PVT1: variants seen among roughly 807,000 people sequenced by gnomAD.
The protein encoded by PVT1 is Pvt1 oncogene.
intron 4 of PVT1, among the ~76,000 whole-genome samples, chr8:128,058,452 C>T (rs1372510031): frequency 6.6e-6 from 1 of 151,480 alleles, no homozygotes; most frequent in Non-Finnish European, 1.5e-5. Flanking sequence ...GTAAATAGCT[C>T]TTCTACTAAA....
rs1180723305 is a variant in PVT1, at chr8:128,006,135, AT to A, written n.912+16845del. Among the ~76,000 whole-genome samples, 135 of 140,604 alleles carry A rather than the reference AT, an allele frequency of 9.6e-4. 2 individuals are homozygous for A. Among genetic ancestry groups the A allele is most frequent in the Admixed American group, 5.3e-3 (72 of 13,520 alleles). The allele number at this position is 140,604 out of a possible 152,430, so 92.2% of individuals were successfully genotyped here. On this transcript the variant is annotated intron_variant and non_coding_transcript_variant, in intron 4 of 10. Coordinates refer to ENST00000651587, the Ensembl canonical transcript of PVT1. ...AATAATAATAATAATAATAATAATA[AT>A]AATAATAATAATAAAAAGATAAGGG...
intron 3 of PVT1, among the ~76,000 whole-genome samples, chr8:127,908,872 G>T (rs148185370): frequency 6.6e-6 from 1 of 152,052 alleles, no homozygotes; most frequent in Non-Finnish European, 1.5e-5. Context: ...TAAGAGGTAC[G>T]GTCACCCTCC....
At chr8:127,927,735 T>C (rs995926961) in intron 3 of PVT1, among the ~76,000 whole-genome samples, 3 of 152,230 alleles carry the variant, frequency 2.0e-5, no homozygotes, top group Non-Finnish European at 4.4e-5. Flanking sequence ...GAAAGTCATC[T>C]GTAAGCCGTG....
intron 3 of PVT1, among the ~76,000 whole-genome samples, chr8:127,987,720 C>T (rs1816985202): frequency 6.6e-6 from 1 of 152,178 alleles, no homozygotes; most frequent in South Asian, 2.1e-4. Flanking sequence ...GACACCAACC[C>T]AGGAAGCCTG....
intron 3 of PVT1, among the ~76,000 whole-genome samples, chr8:127,963,103 A>G (rs1420149692): frequency 2.0e-5 from 3 of 152,120 alleles, no homozygotes; most frequent in East Asian, 3.9e-4. Flanking sequence ...CACCCTGCCC[A>G]GCAGCTTTCT....
At chr8:127,850,403 G>A (rs1815095249) in intron 2 of PVT1, among the ~76,000 whole-genome samples, 1 of 152,120 alleles carries the variant, frequency 6.6e-6, no homozygotes, top group South Asian at 2.1e-4. Context: ...CATCTGTTGG[G>A]GGCACATGTT....
intron 5 of PVT1, among the ~76,000 whole-genome samples, chr8:128,074,989 G>A (rs912177397): frequency 6.6e-6 from 1 of 152,286 alleles, no homozygotes; most frequent in African/African-American, 2.4e-5. Context: ...ATCTCTCTCC[G>A]TTCATGGGGG....
At chr8:127,813,980 G>A (rs747862228) in intron 2 of PVT1, among the ~76,000 whole-genome samples, 3 of 152,122 alleles carry the variant, frequency 2.0e-5, no homozygotes, top group East Asian at 1.9e-4. Context: ...ACGGGGTTTC[G>A]CTATGTTGGC....
At chr8:128,077,682 CCT>C (rs1332657186) in intron 5 of PVT1, among the ~76,000 whole-genome samples, 2 of 152,098 alleles carry the variant, frequency 1.3e-5, no homozygotes, top group Non-Finnish European at 2.9e-5. Flanking sequence ...ATTTATCAAG[CCT>C]CTCTGCAAAT....
At chr8:127,817,528 A>AATATATATATATATAT (rs36101639) in intron 2 of PVT1, among the ~76,000 whole-genome samples, 26 of 68,694 alleles carry the variant, frequency 3.8e-4, no homozygotes, top group East Asian at 3.0e-3. Context: ...TATCTATTTA[A>AATATATATATATATAT]ATATATATAT....
At chr8:127,992,074 C>A (rs79572066) in intron 4 of PVT1, among the ~76,000 whole-genome samples, 302 of 141,692 alleles carry the variant, frequency 2.1e-3, no homozygotes, top group Non-Finnish European at 2.3e-3. Flanking sequence ...TTTCTTAAAA[C>A]AAAAAAAAAA....
At chr8:127,874,727 T>C (rs1345396593) in intron 2 of PVT1, among the ~76,000 whole-genome samples, 1 of 152,188 alleles carries the variant, frequency 6.6e-6, no homozygotes, top group Non-Finnish European at 1.5e-5. Context: ...CAATTTGTTG[T>C]GTGATCTTCT....
chr8:128,041,239 TGTTTG>T (rs1563673128), intron 4 of PVT1, among the ~76,000 whole-genome samples: 3 of 26,336 alleles, frequency 1.1e-4, no homozygotes, highest in Non-Finnish European at 3.0e-4. Flanking sequence ...GTGTGTGTGT[TGTTTG>T]TGTGTGTGTT....
At chr8:127,808,047 C>T (rs372587684) in intron 2 of PVT1, among the ~76,000 whole-genome samples, 39 of 151,612 alleles carry the variant, frequency 2.6e-4, no homozygotes, top group African/African-American at 8.5e-4. Flanking sequence ...GGATTACAGA[C>T]GTGAGCCACC....
At chr8:127,819,315 C>T (rs1231911530) in intron 2 of PVT1, among the ~76,000 whole-genome samples, 5 of 152,184 alleles carry the variant, frequency 3.3e-5, no homozygotes, top group African/African-American at 1.2e-4. Flanking sequence ...ATCTTGCTTT[C>T]CTCATCTGTT....
chr8:127,970,568 G>T (rs556324157), intron 3 of PVT1, among the ~76,000 whole-genome samples: 2 of 152,086 alleles, frequency 1.3e-5, no homozygotes, highest in South Asian at 4.2e-4. Context: ...CAAAATGCTG[G>T]GATTACAGGC....
chr8:127,994,638 G>T (rs181822851), intron 4 of PVT1, among the ~76,000 whole-genome samples: 2 of 152,082 alleles, frequency 1.3e-5, no homozygotes, highest in African/African-American at 2.4e-5. Context: ...TTATTATAAG[G>T]TATTGGCTCA....
At chr8:127,860,212 G>T (rs924404218) in intron 2 of PVT1, among the ~76,000 whole-genome samples, 2 of 152,186 alleles carry the variant, frequency 1.3e-5, no homozygotes, top group African/African-American at 4.8e-5. Context: ...AGGTGCTGGC[G>T]CAGGAGGCCG....
intron 5 of PVT1, among the ~76,000 whole-genome samples, chr8:128,080,091 T>C (rs1293609543): frequency 3.3e-5 from 5 of 152,210 alleles, no homozygotes; most frequent in African/African-American, 1.2e-4. Flanking sequence ...TGCTGAATAA[T>C]ATTTCTTTGT....
Sources: allele counts gnomAD v4.1 joint callset (sites outside exome capture counted in the v4.1 genomes callset), GRCh38; gene constraint gnomAD v4.1.1; transcripts MANE v1.5; gene names NCBI Gene and HGNC (gene_info 2026-07-23, HGNC 2026-07-21).